CDK14: variants seen among roughly 807,000 people sequenced by gnomAD.
CDK14 encodes cyclin-dependent kinase 14.
A neutral mutation model predicts 60.7 loss-of-function variants in CDK14; 34 were observed. The ratio of observed to expected loss-of-function variants is 0.56; its 90% CI spans 0.43 to 0.75. The LOEUF is 0.75. Among genes scored for constraint, CDK14 ranks in the 30% least tolerant of loss-of-function variants. The pLI, the probability that CDK14 is intolerant of heterozygous loss-of-function variation, is 0.00. For missense variants in CDK14, 482 were observed against 564.1 expected, an observed-to-expected ratio of 0.85 and a Z score of 1.47; for synonymous variants, 197 against 203.7, an observed-to-expected ratio of 0.97 and a Z score of 0.28.
chr7:90,799,516 C>G (rs925747189), intron 5 of CDK14, among the ~76,000 whole-genome samples: 1 of 151,744 alleles, frequency 6.6e-6, no homozygotes, highest in Non-Finnish European at 1.5e-5. Flanking sequence ...GGCAAAACCC[C>G]GTGTCTACTA....
chr7:90,743,413 C>G (rs1467201684), intron 3 of CDK14, among the ~76,000 whole-genome samples: 4 of 152,018 alleles, frequency 2.6e-5, no homozygotes, highest in Non-Finnish European at 4.4e-5. Context: ...TTGCAGGTTT[C>G]AATATTGAGC....
chr7:90,703,014 G>T (rs893611589), intron 2 of CDK14, among the ~76,000 whole-genome samples: 17 of 147,614 alleles, frequency 1.2e-4, no homozygotes, highest in East Asian at 6.0e-4. Flanking sequence ...TGTTGTTGTT[G>T]TTTTGTTTTT....
At chr7:90,929,469 A>G (rs1218870938) in intron 8 of CDK14, among the ~76,000 whole-genome samples, 2 of 152,246 alleles carry the variant, frequency 1.3e-5, no homozygotes, top group African/African-American at 2.4e-5. Flanking sequence ...AGTTCTTTAC[A>G]TATCAATGTT....
chr7:91,172,177 C>T (rs1393724087), intron 14 of CDK14, among the ~76,000 whole-genome samples: 1 of 152,150 alleles, frequency 6.6e-6, no homozygotes, highest in Non-Finnish European at 1.5e-5. Flanking sequence ...TAGAGACAAA[C>T]ATGAATGAGA....
chr7:91,060,802 A>G (rs1467827998), intron 11 of CDK14, among the ~76,000 whole-genome samples: 42 of 152,122 alleles, frequency 2.8e-4, no homozygotes. Context: ...TTTGTGGGTA[A>G]CCCGACCTTT....
intron 11 of CDK14, among the ~76,000 whole-genome samples, chr7:91,072,323 T>C (rs964035659): frequency 6.6e-6 from 1 of 152,108 alleles, no homozygotes; most frequent in Non-Finnish European, 1.5e-5. Context: ...CAGGTACCCA[T>C]CTTTGCCGTT....
At chr7:91,079,300 G>A (rs1798414746) in intron 11 of CDK14, 132 bp from the exon 12 acceptor site, 2 of 601,868 alleles carry the variant, frequency 3.3e-6, no homozygotes, top group Non-Finnish European at 5.9e-6. Context: ...CAGTATAAAA[G>A]TGAAGACCTT....
chr7:91,118,061 A>T lies in CDK14; in HGVS notation c.1295-4A>T. The T allele has an allele frequency of 1.3e-6, 2 of 1,545,486 alleles. No homozygotes were observed. The highest frequency in any genetic ancestry group is 8.9e-7 in the Non-Finnish European group (1 of 1,118,494). The stretch of plus-strand genomic sequence containing the variant: ...TAAATGAAAACTTCATATTCTGTCC[A>T]CAGTGTCTTCTATTTTTACTGTCCC... On this transcript the variant is annotated splice_polypyrimidine_tract_variant and splice_region_variant and intron_variant, in intron 13 of 14. Transcript: ENST00000380050.
chr7:90,794,590 C>A (rs893900425), intron 5 of CDK14, among the ~76,000 whole-genome samples: 2 of 152,304 alleles, frequency 1.3e-5, no homozygotes, highest in East Asian at 1.9e-4. Flanking sequence ...TGGCTCTGTT[C>A]TGCCCGGCTG....
At chr7:91,062,065 G>A (rs1324075814) in intron 11 of CDK14, among the ~76,000 whole-genome samples, 1 of 152,192 alleles carries the variant, frequency 6.6e-6, no homozygotes, top group East Asian at 1.9e-4. Flanking sequence ...GAGCTTCCTG[G>A]CTGCTTTGTT....
At chr7:91,168,681 T>A (rs1801424749) in intron 14 of CDK14, among the ~76,000 whole-genome samples, 1 of 152,228 alleles carries the variant, frequency 6.6e-6, no homozygotes, top group Non-Finnish European at 1.5e-5. Flanking sequence ...TTTTATTTCT[T>A]AATTAAGTAT....
intron 5 of CDK14, among the ~76,000 whole-genome samples, chr7:90,839,096 G>A (rs1037903467): frequency 6.6e-6 from 1 of 152,162 alleles, no homozygotes; most frequent in Admixed American, 6.5e-5. Flanking sequence ...TCTCAGACCG[G>A]CTGACACTTA....
At chr7:90,712,275 C>A (rs1802092890) in intron 2 of CDK14, among the ~76,000 whole-genome samples, 1 of 151,880 alleles carries the variant, frequency 6.6e-6, no homozygotes, top group South Asian at 2.1e-4. Context: ...GAAACCCTAC[C>A]CTGCTCTCAT....
intron 3 of CDK14, among the ~76,000 whole-genome samples, chr7:90,727,699 T>C (rs1296287511): frequency 6.6e-6 from 1 of 152,128 alleles, no homozygotes; most frequent in Non-Finnish European, 1.5e-5. Flanking sequence ...GGCCTGCAAC[T>C]ATATGACAAA....
chr7:90,873,245 A>G (rs1261309608), intron 6 of CDK14, among the ~76,000 whole-genome samples: 1 of 152,182 alleles, frequency 6.6e-6, no homozygotes, highest in East Asian at 1.9e-4. Flanking sequence ...TGATGTAAGT[A>G]CCCAAGATCA....
chr7:91,192,720 A>T (rs559388399), intron 14 of CDK14, among the ~76,000 whole-genome samples: 10 of 152,322 alleles, frequency 6.6e-5, no homozygotes, highest in Middle Eastern at 3.4e-3. Flanking sequence ...GGTACTATAG[A>T]ATTAATTTCC....
intron 5 of CDK14, among the ~76,000 whole-genome samples, chr7:90,829,449 A>G (rs541313811): frequency 6.6e-6 from 1 of 152,274 alleles, no homozygotes; most frequent in South Asian, 2.1e-4. Context: ...CATTGGGTAA[A>G]TGTTCCCATT....
At chr7:91,060,541 A>G (rs1584276178) in intron 11 of CDK14, among the ~76,000 whole-genome samples, 1 of 151,878 alleles carries the variant, frequency 6.6e-6, no homozygotes, top group Non-Finnish European at 1.5e-5. Context: ...GCTGGTACCG[A>G]TTGTTCCTTT....
Position 90,928,150 on chromosome 7 carries a change from T to A in CDK14, c.826+10426T>A, listed in dbSNP as rs980434094. ...TTCAAGGTTTTTAGCTTCTTTGCGA[T>A]GGGTTTAAACATCCTCCTTTAGCTC... is the stretch of plus-strand genomic sequence containing the variant. On this transcript the variant is annotated intron_variant, in intron 8 of 14. Transcript: ENST00000380050. Among the ~76,000 whole-genome samples the A allele has an allele frequency of 2.0e-5, 3 of 152,206 alleles. No individual in the cohort carries two copies. In the East Asian group the frequency reaches 5.8e-4, roughly 29 times the overall value.
Sources: allele counts gnomAD v4.1 joint callset (sites outside exome capture counted in the v4.1 genomes callset), GRCh38; gene constraint gnomAD v4.1.1; transcripts MANE v1.5; gene names NCBI Gene and HGNC (gene_info 2026-07-23, HGNC 2026-07-21).